The following DTWD2 variants were observed in gnomAD, a reference collection of about 807,000 sequenced individuals.
DTWD2 encodes the protein DTW motif tRNA-uridine aminocarboxypropyltransferase 2, also known as tRNA-uridine aminocarboxypropyltransferase 2.
DTWD2 carries 39 observed loss-of-function variants against 31.8 expected under a neutral mutation model. That is an observed-to-expected ratio of 1.22 (90% CI 0.95 to 1.60). DTWD2 has a LOEUF of 1.60. Among genes scored for constraint, DTWD2 ranks in the 40% most tolerant of loss-of-function variants. DTWD2 has a pLI of 0.00. For missense variants in DTWD2, 515 were observed against 381.5 expected, an observed-to-expected ratio of 1.35 and a Z score of -2.92; for synonymous variants, 180 against 142.8, an observed-to-expected ratio of 1.26 and a Z score of -1.86.
intron 5 of DTWD2, among the ~76,000 whole-genome samples, chr5:118,847,420 G>C (rs956604235): frequency 6.6e-6 from 1 of 151,936 alleles, no homozygotes; most frequent in South Asian, 2.1e-4. Context: ...AACAATTTAG[G>C]TTTTATTTTA....
chr5:118,972,878 T>G (rs1262562490), intron 1 of DTWD2, among the ~76,000 whole-genome samples: 3 of 152,156 alleles, frequency 2.0e-5, no homozygotes, highest in Non-Finnish European at 4.4e-5. Flanking sequence ...AAAAACCACA[T>G]GATTCTAAGG....
At chr5:118,854,809 T>A (rs958323812) in intron 4 of DTWD2, among the ~76,000 whole-genome samples, 2 of 152,202 alleles carry the variant, frequency 1.3e-5, no homozygotes, top group Non-Finnish European at 2.9e-5. Flanking sequence ...TATTTCACAT[T>A]CTATATAAAG....
intron 3 of DTWD2, among the ~76,000 whole-genome samples, chr5:118,930,348 A>T (rs987700065): frequency 6.6e-6 from 1 of 152,192 alleles, no homozygotes; most frequent in Middle Eastern, 3.2e-3. Context: ...AATGCTATTA[A>T]GGGGAAAGGA....
chr5:118,904,266 C>T (rs185969324), intron 4 of DTWD2, among the ~76,000 whole-genome samples: 3 of 152,162 alleles, frequency 2.0e-5, no homozygotes, highest in Non-Finnish European at 4.4e-5. Flanking sequence ...AAAACACCCA[C>T]ATGTTCAAAA....
At chr5:118,950,558 C>G (rs557436874) in intron 1 of DTWD2, among the ~76,000 whole-genome samples, 1 of 152,138 alleles carries the variant, frequency 6.6e-6, no homozygotes, top group Non-Finnish European at 1.5e-5. Flanking sequence ...GGCTGCCGGG[C>G]AAGTTGGACA....
At chr5:118,902,660 C>CTT (rs1238515560) in intron 4 of DTWD2, among the ~76,000 whole-genome samples, 1 of 151,944 alleles carries the variant, frequency 6.6e-6, no homozygotes, top group Non-Finnish European at 1.5e-5. Context: ...CCCCTGCAAA[C>CTT]ACCCATCTGG....
At chr5:118,882,848 T>C (rs1209032289) in intron 4 of DTWD2, among the ~76,000 whole-genome samples, 1 of 152,246 alleles carries the variant, frequency 6.6e-6, no homozygotes, top group Non-Finnish European at 1.5e-5. Flanking sequence ...GCCACGAAGA[T>C]ATCTGACATG....
intron 4 of DTWD2, among the ~76,000 whole-genome samples, chr5:118,891,911 A>G (rs971029679): frequency 1.3e-5 from 2 of 152,222 alleles, no homozygotes; most frequent in African/African-American, 4.8e-5. Flanking sequence ...TACAAGCAAG[A>G]AAATAAAATA....
At chr5:118,974,524 A>G in intron 1 of DTWD2, 2 of 457,154 alleles carry the variant, frequency 4.4e-6, no homozygotes, top group Non-Finnish European at 4.4e-6. Context: ...GACCATGTTC[A>G]TTATAATCTC....
intron 4 of DTWD2, among the ~76,000 whole-genome samples, chr5:118,900,000 A>G (rs1444877543): frequency 1.3e-5 from 2 of 151,932 alleles, no homozygotes; most frequent in Non-Finnish European, 2.9e-5. Context: ...AGGGGATTTC[A>G]CTATGTTGAC....
chr5:118,881,386 G>A (rs143171705), intron 4 of DTWD2, among the ~76,000 whole-genome samples: 24 of 152,062 alleles, frequency 1.6e-4, no homozygotes, highest in East Asian at 1.9e-4. Context: ...AAGTTCATAC[G>A]CCTAAGAAAT....
chr5:118,844,398 G>A (rs1751798566), intron 5 of DTWD2, among the ~76,000 whole-genome samples: 1 of 152,270 alleles, frequency 6.6e-6, no homozygotes, highest in Non-Finnish European at 1.5e-5. Flanking sequence ...AAAAGTCCTG[G>A]TAAATACTGT....
chr5:118,935,718 C>G (rs966635021), intron 3 of DTWD2, among the ~76,000 whole-genome samples: 8 of 152,150 alleles, frequency 5.3e-5, no homozygotes, highest in African/African-American at 1.9e-4. Context: ...TATTCACCTA[C>G]TTGAAGAGTT....
intron 4 of DTWD2, among the ~76,000 whole-genome samples, chr5:118,888,801 CAG>C (rs1752920530): frequency 6.6e-6 from 1 of 152,192 alleles, no homozygotes; most frequent in Non-Finnish European, 1.5e-5. Flanking sequence ...ACCATTCTAA[CAG>C]GGGTGTAATG....
At chr5:118,935,570 G>A (rs974505110) in intron 3 of DTWD2, among the ~76,000 whole-genome samples, 2 of 152,132 alleles carry the variant, frequency 1.3e-5, no homozygotes, top group African/African-American at 2.4e-5. Flanking sequence ...ACATATTTGG[G>A]GGTCTCGGAA....
chr5:118,881,284 A>G (rs1349701569), intron 4 of DTWD2, among the ~76,000 whole-genome samples: 1 of 152,174 alleles, frequency 6.6e-6, no homozygotes, highest in Non-Finnish European at 1.5e-5. Context: ...GTTTTATCAT[A>G]AGTTAATATG....
At chr5:118,881,135 C>A (rs1752731089) in intron 4 of DTWD2, among the ~76,000 whole-genome samples, 1 of 152,074 alleles carries the variant, frequency 6.6e-6, no homozygotes, top group South Asian at 2.1e-4. Context: ...ATGCTAGCTA[C>A]CTTGTGTTTC....
intron 2 of DTWD2, among the ~76,000 whole-genome samples, chr5:118,940,232 C>T (rs1225894775): frequency 1.3e-5 from 2 of 152,160 alleles, no homozygotes; most frequent in Admixed American, 6.5e-5. Context: ...GAGAATTCTA[C>T]CTTGAATCCC....
intron 1 of DTWD2, among the ~76,000 whole-genome samples, chr5:118,963,301 G>A (rs892043476): frequency 6.6e-6 from 1 of 152,222 alleles, no homozygotes; most frequent in East Asian, 1.9e-4. Context: ...GCTGGACCTT[G>A]AAATAGAGTA....
Sources: allele counts gnomAD v4.1 joint callset (sites outside exome capture counted in the v4.1 genomes callset), GRCh38; gene constraint gnomAD v4.1.1; transcripts MANE v1.5; gene names NCBI Gene and HGNC (gene_info 2026-07-23, HGNC 2026-07-21).